Variants in SLC24A3 observed in about 807,000 individuals in gnomAD.
The protein encoded by SLC24A3 is solute carrier family 24 member 3.
SLC24A3 carries 28 observed loss-of-function variants against 75.8 expected under a neutral mutation model. That is an observed-to-expected ratio of 0.37 (90% CI 0.27 to 0.51). The LOEUF (loss-of-function observed/expected upper bound fraction) is 0.51. Among genes scored for constraint, SLC24A3 ranks in the 20% least tolerant of loss-of-function variants. The pLI, the probability that SLC24A3 is intolerant of heterozygous loss-of-function variation, is 0.94. For synonymous variants in SLC24A3, 372 were observed against 334.1 expected (o/e 1.11, Z -1.24); for missense variants, 663 against 847.8 (o/e 0.78, Z 2.71).
intron 15 of SLC24A3, among the ~76,000 whole-genome samples, chr20:19,712,097 C>T (rs969214791): frequency 1.3e-5 from 2 of 152,086 alleles, no homozygotes; most frequent in African/African-American, 4.8e-5. Flanking sequence ...TAGAGACACT[C>T]CAACAGAACT....
intron 8 of SLC24A3, among the ~76,000 whole-genome samples, chr20:19,666,679 T>G (rs1404871957): frequency 6.6e-6 from 1 of 151,830 alleles, no homozygotes; most frequent in Non-Finnish European, 1.5e-5. Flanking sequence ...TGTTTTATTT[T>G]GATAGAAACT....
intron 1 of SLC24A3, among the ~76,000 whole-genome samples, chr20:19,250,627 G>A (rs1982625476): frequency 6.6e-6 from 1 of 152,154 alleles, no homozygotes; most frequent in African/African-American, 2.4e-5. Flanking sequence ...TAGAGAGAGA[G>A]GTTCATAGTT....
At chr20:19,415,148 AG>A (rs1168503812) in intron 2 of SLC24A3, among the ~76,000 whole-genome samples, 1 of 152,206 alleles carries the variant, frequency 6.6e-6, no homozygotes, top group Non-Finnish European at 1.5e-5. Flanking sequence ...GTTGTCCAGC[AG>A]CAGGGGTCTT....
Position 19,391,218 on chromosome 20 carries a change from T to A in SLC24A3, c.271+110131T>A, listed in dbSNP as rs1213168991. 2.0e-5 allele frequency among the ~76,000 whole-genome samples: 3 copies of A among 152,200 alleles called. No individual in the cohort carries two copies. The East Asian group carries it at 5.8e-4, about 29-fold the overall frequency. The stretch of plus-strand genomic sequence containing the variant: ...CCTTGGCTCCTTAGGTTAGGCCTCA[T>A]GAGAATTCTCTTTTTTTATTTCCCA... On this transcript the variant is annotated intron_variant, in intron 2 of 16. Transcript: ENST00000328041.
At chr20:19,485,571 T>A (rs1219461224) in intron 2 of SLC24A3, among the ~76,000 whole-genome samples, 5 of 152,210 alleles carry the variant, frequency 3.3e-5, no homozygotes, top group African/African-American at 1.2e-4. Flanking sequence ...TTTTGAAGGC[T>A]ACTTTTTGAA....
chr20:19,274,264 C>T (rs1278003482), intron 1 of SLC24A3, among the ~76,000 whole-genome samples: 1 of 151,820 alleles, frequency 6.6e-6, no homozygotes, highest in Non-Finnish European at 1.5e-5. Context: ...CATCCCCTTG[C>T]CCACTGGACA....
chr20:19,474,348 G>C (rs944057466), intron 2 of SLC24A3, among the ~76,000 whole-genome samples: 1 of 152,150 alleles, frequency 6.6e-6, no homozygotes, highest in African/African-American at 2.4e-5. Flanking sequence ...AATGCAAGAA[G>C]ACTGCACAAC....
At chr20:19,377,722 T>G (rs1454824218) in intron 2 of SLC24A3, among the ~76,000 whole-genome samples, 5 of 152,224 alleles carry the variant, frequency 3.3e-5, no homozygotes, top group African/African-American at 1.2e-4. Flanking sequence ...TGAACCCTGG[T>G]CAGTCAGTTC....
chr20:19,451,540 A>G (rs1371784601), intron 2 of SLC24A3, among the ~76,000 whole-genome samples: 1 of 152,208 alleles, frequency 6.6e-6, no homozygotes, highest in Non-Finnish European at 1.5e-5. Context: ...GTGCCAACTC[A>G]TGAGTTTTGT....
At chr20:19,365,578 A>G (rs1985873876) in intron 2 of SLC24A3, among the ~76,000 whole-genome samples, 1 of 152,314 alleles carries the variant, frequency 6.6e-6, no homozygotes, top group South Asian at 2.1e-4. Flanking sequence ...TGAAGTTGCT[A>G]TACAGAAAAG....
chr20:19,285,552 A>T (rs1295122702), intron 2 of SLC24A3, among the ~76,000 whole-genome samples: 1 of 130,070 alleles, frequency 7.7e-6, no homozygotes, highest in Non-Finnish European at 1.6e-5. Context: ...GAAATTTGTG[A>T]TTTTTTTTTT....
At chr20:19,587,042 G>A (rs1363418465) in intron 6 of SLC24A3, among the ~76,000 whole-genome samples, 1 of 152,158 alleles carries the variant, frequency 6.6e-6, no homozygotes, top group African/African-American at 2.4e-5. Flanking sequence ...ACACCTGCTT[G>A]TGGCCTTCCA....
chr20:19,569,409 C>T (rs879454086), intron 3 of SLC24A3, among the ~76,000 whole-genome samples: 13 of 152,138 alleles, frequency 8.5e-5, no homozygotes, highest in Non-Finnish European at 1.5e-4. Context: ...TGTCCCTTTC[C>T]TCATCCTTCC....
At chr20:19,223,296 G>A (rs1414183967) in intron 1 of SLC24A3, among the ~76,000 whole-genome samples, 1 of 52,522 alleles carries the variant, frequency 1.9e-5, no homozygotes, top group Admixed American at 1.9e-4. Flanking sequence ...CTGTCTCGGG[G>A]TGGTGCGGTG....
At chr20:19,677,467 A>AG (rs2032537992) in intron 9 of SLC24A3, among the ~76,000 whole-genome samples, 1 of 152,088 alleles carries the variant, frequency 6.6e-6, no homozygotes, top group Non-Finnish European at 1.5e-5. Flanking sequence ...TTTTGAATAT[A>AG]TACAGGAGTC....
intron 6 of SLC24A3, among the ~76,000 whole-genome samples, chr20:19,622,406 G>A (rs1340342828): frequency 6.6e-6 from 1 of 152,176 alleles, no homozygotes; most frequent in Admixed American, 6.5e-5. Flanking sequence ...TGGTAAAAGT[G>A]TTTAGTGATA....
chr20:19,428,028 T>G (rs771949100), intron 2 of SLC24A3, among the ~76,000 whole-genome samples: 5 of 152,236 alleles, frequency 3.3e-5, no homozygotes, highest in Non-Finnish European at 7.3e-5. Flanking sequence ...CATATTTGAA[T>G]TACTCAGATA....
At chr20:19,572,654 G>A (rs1423716984) in intron 3 of SLC24A3, among the ~76,000 whole-genome samples, 1 of 152,138 alleles carries the variant, frequency 6.6e-6, no homozygotes, top group African/African-American at 2.4e-5. Context: ...GAAGGGAAGG[G>A]GCACCAGCAG....
rs58880783 is a variant in SLC24A3, at chr20:19,567,968, C to T, written c.349-12032C>T. Among the ~76,000 whole-genome samples the T allele has an allele frequency of 2.3e-3, 352 of 151,832 alleles. 2 individuals carry two copies. Among genetic ancestry groups the T allele is most frequent in the African/African-American group, 8.0e-3 (331 of 41,324 alleles). ...ACAAACAGCTTGATTTCAAAATGGG[C>T]GAAGGACTTGAATAGACTTTTCTGC... On this transcript the variant is annotated intron_variant, in intron 3 of 16. Transcript: ENST00000328041.
Sources: gnomAD v4.1 joint callset for allele counts (sites outside exome capture counted in the v4.1 genomes callset) on GRCh38, gnomAD v4.1.1 for gene constraint, MANE v1.5 for transcripts, NCBI Gene and HGNC (gene_info 2026-07-23, HGNC 2026-07-21) for gene names.